The following WBP2NL variants were observed in gnomAD, a reference collection of about 807,000 sequenced individuals.
WBP2NL encodes the protein postacrosomal sheath WW domain-binding protein.
WBP2NL carries 27 observed loss-of-function variants against 23.3 expected under a neutral mutation model. That is an observed-to-expected ratio of 1.16 (90% CI 0.85 to 1.60). The LOEUF (loss-of-function observed/expected upper bound fraction) is 1.60, where lower values mean the gene tolerates loss of function less well. Ranked by LOEUF, WBP2NL falls within the 40% of genes most tolerant of loss-of-function variation. The pLI is 0.00. For synonymous variants in WBP2NL, 151 were observed against 145.9 expected (o/e 1.03, Z -0.25); for missense variants, 370 against 389.5 (o/e 0.95, Z 0.42).
intron 8 of WBP2NL, among the ~76,000 whole-genome samples, chr22:42,049,695 CA>C (rs1569455101): frequency 2.6e-4 from 6 of 22,878 alleles, no homozygotes; most frequent in Non-Finnish European, 3.0e-4. Flanking sequence ...GTCTCCAAAA[CA>C]AAACAAAACA....
intron 8 of WBP2NL, among the ~76,000 whole-genome samples, chr22:42,052,014 A>G (rs1925853146): frequency 6.6e-6 from 1 of 152,216 alleles, no homozygotes; most frequent in African/African-American, 2.4e-5. Flanking sequence ...ATTTAAATCT[A>G]GGTATTAGGA....
chr22:42,014,891 C>G (rs1014928555), intron 1 of WBP2NL, among the ~76,000 whole-genome samples: 1 of 152,180 alleles, frequency 6.6e-6, no homozygotes, highest in African/African-American at 2.4e-5. Flanking sequence ...ATTTGGACAT[C>G]ATTTCCTTTA....
intron 4 of WBP2NL, among the ~76,000 whole-genome samples, chr22:42,020,438 T>C (rs1923786135): frequency 6.6e-6 from 1 of 152,136 alleles, no homozygotes; most frequent in Non-Finnish European, 1.5e-5. Context: ...CGCACACATA[T>C]TCAGCAGGCA....
chr22:42,035,760 A>G (rs554401052), downstream of WBP2NL, among the ~76,000 whole-genome samples: 2 of 152,308 alleles, frequency 1.3e-5, no homozygotes, highest in Non-Finnish European at 2.9e-5. Context: ...TAATTAACAT[A>G]TCTATTACCT....
chr22:42,038,296 T>A (rs1301763729), intron 8 of WBP2NL, among the ~76,000 whole-genome samples: 1 of 152,260 alleles, frequency 6.6e-6, no homozygotes, highest in African/African-American at 2.4e-5. Context: ...TTTCATATGT[T>A]AACTGACCTT....
chr22:42,056,976 C>T (rs570516896), intron 8 of WBP2NL, among the ~76,000 whole-genome samples: 1 of 152,190 alleles, frequency 6.6e-6, no homozygotes, highest in South Asian at 2.1e-4. Flanking sequence ...TTTATCTTGC[C>T]TCTTTCAAAA....
chr22:42,055,177 C>T (rs111275515), intron 8 of WBP2NL, among the ~76,000 whole-genome samples: 4 of 151,766 alleles, frequency 2.6e-5, no homozygotes, highest in African/African-American at 9.7e-5. Flanking sequence ...CACCACCATG[C>T]CCAGCTAATT....
intron 8 of WBP2NL, chr22:42,058,252 C>T (rs572939725): frequency 6.6e-6 from 1 of 151,826 alleles, no homozygotes; most frequent in Non-Finnish European, 1.5e-5. Flanking sequence ...CTGTTAGAGA[C>T]ATAGTGGTTT....
chr22:42,032,424 C>T (rs1318652172), downstream of WBP2NL: 2 of 178,604 alleles, frequency 1.1e-5, no homozygotes, highest in Non-Finnish European at 2.4e-5. Context: ...TGTTGGTCTG[C>T]ATCACCTCTA....
chr22:41,999,803 A>G (rs914022288), intron 1 of WBP2NL, among the ~76,000 whole-genome samples: 3 of 152,186 alleles, frequency 2.0e-5, no homozygotes, highest in African/African-American at 7.2e-5. Flanking sequence ...GCCTGGGCAC[A>G]ACAAAGCACT....
chr22:42,020,125 A>C, intron 4 of WBP2NL, 29 bp downstream of exon 4: 1 of 1,581,738 alleles, frequency 6.3e-7, no homozygotes, highest in Non-Finnish European at 8.6e-7. Context: ...GATATTAAGC[A>C]CTTTGGGGTT....
At chr22:42,024,519 T>C (rs1483744589) in intron 5 of WBP2NL, among the ~76,000 whole-genome samples, 1 of 152,164 alleles carries the variant, frequency 6.6e-6, no homozygotes, top group Non-Finnish European at 1.5e-5. Context: ...AAAAAAAATC[T>C]ATATTAAAGC....
intron 8 of WBP2NL, among the ~76,000 whole-genome samples, chr22:42,056,088 C>CT (rs1313096925): frequency 2.6e-5 from 4 of 152,094 alleles, no homozygotes; most frequent in Non-Finnish European, 5.9e-5. Flanking sequence ...TGTCTTAAGT[C>CT]TCTTTTGTTC....
At chr22:42,055,747 A>G (rs767091076) in intron 8 of WBP2NL, among the ~76,000 whole-genome samples, 1 of 152,176 alleles carries the variant, frequency 6.6e-6, no homozygotes, top group Non-Finnish European at 1.5e-5. Context: ...GTAAAATTAT[A>G]TCTTTTTTGG....
At chr22:42,032,719 G>A, downstream of WBP2NL, 1 of 469,444 alleles carries the variant, frequency 2.1e-6, no homozygotes, top group Non-Finnish European at 4.4e-6. Flanking sequence ...AGAGGGTGGG[G>A]CAGACAACCA....
chr22:42,051,646 GA>G (rs1925841780), intron 8 of WBP2NL, among the ~76,000 whole-genome samples: 1 of 152,150 alleles, frequency 6.6e-6, no homozygotes. Context: ...AATTGTTCAG[GA>G]AACCTAAACC....
intron 1 of WBP2NL, among the ~76,000 whole-genome samples, chr22:42,014,182 A>G (rs1667639485): frequency 6.6e-6 from 1 of 152,092 alleles, no homozygotes; most frequent in South Asian, 2.1e-4. Context: ...CAGCCTCCCA[A>G]ACTGCTGGGA....
chr22:42,001,917 A>G, intron 1 of WBP2NL: 1 of 1,445,618 alleles, frequency 6.9e-7, no homozygotes. Flanking sequence ...GGCTGCGGCC[A>G]CTCCACCTGC....
chr22:42,010,817 C>T (rs142384783), intron 1 of WBP2NL, among the ~76,000 whole-genome samples: 7,628 of 152,262 alleles, frequency 0.05, 287 homozygotes, highest in Non-Finnish European at 0.07. Flanking sequence ...GGATTACAGG[C>T]GTGAGCCACC....
Sources: gnomAD v4.1 joint callset for allele counts (sites outside exome capture counted in the v4.1 genomes callset) on GRCh38, gnomAD v4.1.1 for gene constraint, MANE v1.5 for transcripts, NCBI Gene and HGNC (gene_info 2026-07-23, HGNC 2026-07-21) for gene names.